SEMA5A: variants seen among roughly 807,000 people sequenced by gnomAD.
The protein encoded by SEMA5A is semaphorin-5A.
Under a neutral mutation model 135.5 loss-of-function variants are expected in SEMA5A, and 55 were observed. The ratio of observed to expected loss-of-function variants is 0.41; its 90% CI spans 0.33 to 0.51. The LOEUF is 0.51. Among genes scored for constraint, SEMA5A ranks in the 20% least tolerant of loss-of-function variants. The pLI, the probability that SEMA5A is intolerant of heterozygous loss-of-function variation, is 0.37. For missense variants in SEMA5A, 1,290 were observed against 1,419.9 expected (o/e 0.91, Z 1.47); for synonymous variants, 580 against 546.5 (o/e 1.06, Z -0.85).
At chr5:9,077,061 G>T (rs1738107906) in intron 16 of SEMA5A, among the ~76,000 whole-genome samples, 1 of 152,168 alleles carries the variant, frequency 6.6e-6, no homozygotes, top group African/African-American at 2.4e-5. Context: ...AAGTGTGGGA[G>T]TCACAGGGTA....
At chr5:9,324,072 T>TA (rs1199199823) in intron 4 of SEMA5A, among the ~76,000 whole-genome samples, 8 of 143,354 alleles carry the variant, frequency 5.6e-5, no homozygotes, top group Admixed American at 4.6e-4. Flanking sequence ...ATATTTTATT[T>TA]TATTTTTTTT....
chr5:9,522,339 T>C (rs569026382), intron 1 of SEMA5A, among the ~76,000 whole-genome samples: 250 of 152,120 alleles, frequency 1.6e-3, no homozygotes, highest in African/African-American at 5.8e-3. Context: ...TCCCAGCACT[T>C]TGGGAGGCTA....
At chr5:9,291,818 A>G (rs961322296) in intron 5 of SEMA5A, among the ~76,000 whole-genome samples, 2 of 151,624 alleles carry the variant, frequency 1.3e-5, no homozygotes, top group Non-Finnish European at 2.9e-5. Flanking sequence ...CCTGATCAAC[A>G]AAATTGTGAG....
chr5:9,334,768 G>A (rs1375291419), intron 4 of SEMA5A, among the ~76,000 whole-genome samples: 3 of 152,014 alleles, frequency 2.0e-5, no homozygotes, highest in Admixed American at 6.6e-5. Flanking sequence ...CCATGCTCCC[G>A]GGGTCACCAA....
At chr5:9,171,730 C>T (rs1579536242) in intron 11 of SEMA5A, among the ~76,000 whole-genome samples, 1 of 152,100 alleles carries the variant, frequency 6.6e-6, no homozygotes, top group East Asian at 1.9e-4. Flanking sequence ...CGGGTTCCAA[C>T]ACTAGATATA....
intron 1 of SEMA5A, among the ~76,000 whole-genome samples, chr5:9,488,756 T>C (rs1476171742): frequency 6.6e-6 from 1 of 152,208 alleles, no homozygotes; most frequent in Non-Finnish European, 1.5e-5. Context: ...TGGAGTCTTT[T>C]CTGAAAACAA....
chr5:9,249,953 A>G (rs1748688003), intron 5 of SEMA5A, among the ~76,000 whole-genome samples: 1 of 152,224 alleles, frequency 6.6e-6, no homozygotes, highest in Admixed American at 6.5e-5. Flanking sequence ...TATGCAGCTC[A>G]GGACAGGCCT....
chr5:9,152,406 C>T lies in SEMA5A; in HGVS notation c.1481+2082G>A, dbSNP rs542271796. Among the ~76,000 whole-genome samples, 4 of 152,252 alleles carry T rather than the reference C, an allele frequency of 2.6e-5. No individual in the cohort carries two copies. In the South Asian group the frequency reaches 8.3e-4, roughly 32 times the overall value. ...AGGCTAGTTCTGCAGGGAACACAAA[C>T]CAGAACACATTTCAAGCAGCCAGTG... On this transcript the variant is annotated intron_variant, in intron 12 of 22. Coordinates refer to ENST00000382496, the MANE Select transcript of SEMA5A (RefSeq NM_003966.3).
At chr5:9,139,334 T>C (rs1428054165) in intron 12 of SEMA5A, among the ~76,000 whole-genome samples, 1 of 152,238 alleles carries the variant, frequency 6.6e-6, no homozygotes, top group Non-Finnish European at 1.5e-5. Context: ...ATAGGCATTA[T>C]TAAATTTGGA....
intron 3 of SEMA5A, among the ~76,000 whole-genome samples, chr5:9,348,135 T>C (rs1461819433): frequency 6.6e-6 from 1 of 152,190 alleles, no homozygotes; most frequent in African/African-American, 2.4e-5. Flanking sequence ...GAGACACTAG[T>C]GAAAAGTTGT....
chr5:9,207,764 CTTAAAA>C (rs747362736), intron 8 of SEMA5A, among the ~76,000 whole-genome samples: 34 of 151,930 alleles, frequency 2.2e-4, no homozygotes, highest in Non-Finnish European at 1.2e-4. Flanking sequence ...AAGCGGATAA[CTTAAAA>C]TTAAATTAAA....
chr5:9,050,301 T>C (rs1736495116), intron 21 of SEMA5A, 109 bp downstream of exon 21: 3 of 1,002,408 alleles, frequency 3.0e-6, no homozygotes, highest in Non-Finnish European at 4.3e-6. Flanking sequence ...CTTTCTCCGG[T>C]TTTTCATTCT....
chr5:9,470,618 C>A (rs1190474578), intron 1 of SEMA5A, among the ~76,000 whole-genome samples: 1 of 152,132 alleles, frequency 6.6e-6, no homozygotes, highest in Non-Finnish European at 1.5e-5. Flanking sequence ...TTTCTCTGGC[C>A]AATGAGATGT....
intron 8 of SEMA5A, among the ~76,000 whole-genome samples, chr5:9,217,631 A>T (rs558354946): frequency 6.6e-6 from 1 of 152,288 alleles, no homozygotes; most frequent in South Asian, 2.1e-4. Context: ...GATGCCGAGG[A>T]TTCATAGATT....
intron 3 of SEMA5A, among the ~76,000 whole-genome samples, chr5:9,346,016 C>A (rs1364657675): frequency 1.3e-5 from 2 of 152,148 alleles, no homozygotes; most frequent in Non-Finnish European, 2.9e-5. Context: ...TGACAGACTG[C>A]AGCCCAAAGT....
At chr5:9,120,317 A>C (rs1388501068) in intron 14 of SEMA5A, among the ~76,000 whole-genome samples, 2 of 152,136 alleles carry the variant, frequency 1.3e-5, no homozygotes, top group African/African-American at 4.8e-5. Flanking sequence ...CAACTATGCC[A>C]CTGAAGGTCC....
intron 5 of SEMA5A, among the ~76,000 whole-genome samples, chr5:9,251,705 T>A (rs1351937942): frequency 1.3e-5 from 2 of 152,132 alleles, no homozygotes; most frequent in East Asian, 3.8e-4. Context: ...AATCCTGGAA[T>A]CAGACAATGT....
At chr5:9,397,423 A>T (rs73740533) in intron 2 of SEMA5A, among the ~76,000 whole-genome samples, 2,854 of 152,252 alleles carry the variant, frequency 0.019, 86 homozygotes, top group African/African-American at 0.064. Flanking sequence ...CACCTTTCTC[A>T]TATGGTTTGT....
At chr5:9,095,592 T>C (rs1739273983) in intron 16 of SEMA5A, among the ~76,000 whole-genome samples, 1 of 152,226 alleles carries the variant, frequency 6.6e-6, no homozygotes, top group Non-Finnish European at 1.5e-5. Context: ...CCAACACCTG[T>C]TGTTTCTTCT....
Sources: gnomAD v4.1 joint callset for allele counts (sites outside exome capture counted in the v4.1 genomes callset) on GRCh38, gnomAD v4.1.1 for gene constraint, MANE v1.5 for transcripts, NCBI Gene and HGNC (gene_info 2026-07-23, HGNC 2026-07-21) for gene names.